The following LRRK1 variants were observed in gnomAD, a reference collection of about 807,000 sequenced individuals.
LRRK1 encodes the protein leucine rich repeat kinase 1.
LRRK1 carries 113 observed loss-of-function variants against 209.1 expected under a neutral mutation model. That is an observed-to-expected ratio of 0.54 (90% confidence interval 0.46 to 0.63). LRRK1 has a LOEUF of 0.63. Ranked by LOEUF, LRRK1 falls within the 30% of genes least tolerant of loss-of-function variation. LRRK1 has a pLI of 0.00. For synonymous variants in LRRK1, 1,144 were observed against 1,099.7 expected, an observed-to-expected ratio of 1.04 and a Z score of -0.80; for missense variants, 2,284 against 2,632.2, an observed-to-expected ratio of 0.87 and a Z score of 2.89.
intron 2 of LRRK1, among the ~76,000 whole-genome samples, chr15:100,964,522 G>A (rs1317909579): frequency 1.3e-5 from 2 of 152,196 alleles, no homozygotes; most frequent in African/African-American, 4.8e-5. Flanking sequence ...GCACAGGAAG[G>A]TCGTTAAACA....
rs141055033 is a variant in LRRK1 at position 101,015,444 on chromosome 15, C to T, written c.1609+42C>T. On this transcript the variant is annotated intron_variant, in intron 12 of 33. Transcript: ENST00000388948. ...AGACGGTGTTCCCAGATGAGACAGC[C>T]GGGGTAGCCTGGTTCCTGCTCCACC... 514 of 1,490,218 alleles carry T rather than the reference C, an allele frequency of 3.4e-4. 4 individuals are homozygous for T. Among genetic ancestry groups the T allele is most frequent in the South Asian group, 1.6e-3 (134 of 85,900 alleles). 92.3% of individuals were successfully genotyped at this position (1,490,218 alleles called of 1,614,324 possible).
intron 2 of LRRK1, among the ~76,000 whole-genome samples, chr15:100,957,104 A>G (rs2042781335): frequency 6.6e-6 from 1 of 151,998 alleles, no homozygotes; most frequent in Non-Finnish European, 1.5e-5. Context: ...GGATTTTTCC[A>G]TTTTCTTCTT....
intron 3 of LRRK1, among the ~76,000 whole-genome samples, chr15:100,975,474 T>C (rs890315245): frequency 6.7e-6 from 1 of 149,852 alleles, no homozygotes; most frequent in Admixed American, 6.6e-5. Context: ...GAGTCCAGGG[T>C]GTGTGTCTCT....
chr15:100,989,327 C>A lies in LRRK1; in HGVS notation c.691C>A (p.Pro231Thr), dbSNP rs755289273. The A allele has an allele frequency of 4.3e-6, 7 of 1,613,982 alleles. No individual in the cohort carries two copies. The highest frequency in any genetic ancestry group is 5.9e-6 in the Non-Finnish European group (7 of 1,179,840). ...CSYILLDSPD[P>T]SKHLLRKYFI... The stretch of plus-strand genomic sequence containing the variant: ...CTACATCTTGCTGGATAGTCCTGAC[C>A]CCAGCAAACATCTGCTGAGAAAGTA... The change falls in exon 6 of 34, where the codon CCC becomes ACC. Residue 231 changes from proline (P) to threonine (T), a missense_variant. Coordinates refer to ENST00000388948, the MANE Select transcript of LRRK1 (RefSeq NM_024652.6).
intron 6 of LRRK1, among the ~76,000 whole-genome samples, chr15:101,006,372 T>TA (rs56053663): frequency 0.015 from 1,694 of 114,288 alleles, 10 homozygotes; most frequent in Non-Finnish European, 0.022. Context: ...GACAATGTGA[T>TA]AAAAAAAAAA....
At chr15:100,988,213 C>A (rs1231651252) in intron 4 of LRRK1, among the ~76,000 whole-genome samples, 1 of 152,126 alleles carries the variant, frequency 6.6e-6, no homozygotes, top group African/African-American at 2.4e-5. Flanking sequence ...CTGCATGTTG[C>A]CGGGGTTCGG....
rs1013254892 is a variant in LRRK1, at chr15:101,073,759, T to C, written c.*4911T>C. The stretch of plus-strand genomic sequence containing the variant: ...CCTGAACCGCTTCTCTCCGTGTCTC[T>C]ACTCTCCCTTTTCTTTAAACTTGCC... On this transcript the variant is annotated 3_prime_UTR_variant, in exon 34 of 34. Coordinates refer to ENST00000388948, the MANE Select transcript of LRRK1 (RefSeq NM_024652.6). The C allele has an allele frequency of 6.6e-6, 1 of 152,134 alleles. No homozygotes were observed. Among genetic ancestry groups the C allele is most frequent in the African/African-American group, 2.4e-5 (1 of 41,418 alleles). The allele number at this position is 152,134 out of a possible 1,614,324, so 9.4% of individuals were successfully genotyped here. A position where few individuals can be genotyped will look rare whatever the true frequency, so the allele number is the denominator to read the frequency against.
intron 6 of LRRK1, among the ~76,000 whole-genome samples, chr15:100,995,163 T>C (rs1459576211): frequency 1.3e-5 from 2 of 152,056 alleles, no homozygotes; most frequent in Admixed American, 6.5e-5. Context: ...CTTAGGGAGA[T>C]CATGCATGTG....
Position 100,924,196 on chromosome 15 carries a change from A to G in LRRK1, c.-122-315A>G, listed in dbSNP as rs116211229. ...CTTGGTGCCACTGAGCCTCACACAG[A>G]GCCTGGCTACCTTGCATGTGACAGT... is the stretch of plus-strand genomic sequence containing the variant. On this transcript the variant is annotated intron_variant, in intron 1 of 33. Transcript: ENST00000388948. Among the ~76,000 whole-genome samples, 1,517 of 152,308 alleles carry G rather than the reference A, an allele frequency of 1.0e-2. 24 individuals carry two copies. The highest frequency in any genetic ancestry group is 0.034 in the African/African-American group (1,421 of 41,568).
chr15:101,042,555 C>G (rs2141117612), intron 20 of LRRK1, among the ~76,000 whole-genome samples: 1 of 152,204 alleles, frequency 6.6e-6, no homozygotes, highest in African/African-American at 2.4e-5. Context: ...TTACACTCCC[C>G]TACTTGTTAC....
chr15:100,988,578 G>A (rs1170169051), intron 4 of LRRK1, 56 bp from the exon 5 acceptor site: 3 of 1,556,270 alleles, frequency 1.9e-6, no homozygotes, highest in Non-Finnish European at 1.8e-6. Flanking sequence ...GAGCAGAGTG[G>A]GAACAAACAG....
chr15:100,960,276 G>C (rs959965770), intron 2 of LRRK1, among the ~76,000 whole-genome samples: 5 of 27,220 alleles, frequency 1.8e-4, no homozygotes, highest in Admixed American at 4.7e-4. Flanking sequence ...CGTTCATATT[G>C]CTTTTTTTTT....
Position 101,026,055 on chromosome 15 carries a change from C to A in LRRK1, c.2323C>A (p.Arg775Ser). ...CCGTGTGGAAAGGATTGCAACGCTG[C>A]GTGCCTATGTGCTGGCACTCTGCCG... is the stretch of plus-strand genomic sequence containing the variant. ...KFRVERIATL[R>S]AYVLALCRSP... The change falls in exon 17 of 34, where the codon CGT (arginine) becomes AGT (serine). Residue 775 changes from arginine (R) to serine (S), a missense_variant. Around this residue, in one of 6 missense-constraint regions of LRRK1, gnomAD observed 780 missense variants for 985.2 expected, o/e 0.79. Coordinates refer to ENST00000388948, the MANE Select transcript of LRRK1 (RefSeq NM_024652.6). 1.2e-6 allele frequency: 2 copies of A among 1,614,232 alleles called. No individual in the cohort carries two copies. The highest frequency in any genetic ancestry group is 1.7e-6 in the Non-Finnish European group (2 of 1,180,012).
chr15:101,065,786 C>T lies in LRRK1; in HGVS notation c.5349C>T (p.Leu1783=). ...ACTTCTGCGGGGTCCCCAGCCCCCTCAGGGACATGTTTCCCGTGCGGCCCT... is the reference window on the plus strand; with the variant it reads ...ACTTCTGCGGGGTCCCCAGCCCCCTTAGGGACATGTTTCCCGTGCGGCCCT... ...ARYFCGVPSP[L]RDMFPVRPLD... Residue 1783 remains leucine (L), a synonymous_variant, in exon 32 of 34, where the codon CTC becomes CTT. Coordinates refer to ENST00000388948, the MANE Select transcript of LRRK1 (RefSeq NM_024652.6). 6.2e-7 allele frequency: 1 copy of T among 1,614,138 alleles called. No individual in the cohort carries two copies. Among genetic ancestry groups the T allele is most frequent in the South Asian group, 1.1e-5 (1 of 91,086 alleles).
In LRRK1 at chr15:101,022,637, G is replaced by T; in HGVS notation, c.2067+40G>T. On this transcript the variant is annotated intron_variant, in intron 15 of 33. Coordinates refer to ENST00000388948, the MANE Select transcript of LRRK1 (RefSeq NM_024652.6). This position sits in a 1 kb window ranked among gnomAD's most constrained non-coding sequence, Gnocchi z 4.0. ...GCGTGCAGAGTCCCTGTGGGTGGGA[G>T]GAACATCCCTTGGACTCCTTCTCCC... 1.4e-6 allele frequency: 2 copies of T among 1,415,158 alleles called. No homozygotes were observed. The highest frequency in any genetic ancestry group is 1.9e-6 in the Non-Finnish European group (2 of 1,028,954). The allele number at this position is 1,415,158 out of a possible 1,614,324, so 87.7% of individuals were successfully genotyped here. A position where few individuals can be genotyped will look rare whatever the true frequency, so the allele number is the denominator to read the frequency against.
intron 28 of LRRK1, among the ~76,000 whole-genome samples, chr15:101,057,580 G>T (rs1452884408): frequency 7.2e-5 from 11 of 152,224 alleles, no homozygotes; most frequent in Admixed American, 7.2e-4. Flanking sequence ...TGGGCATGGT[G>T]ACATGGACTT....
At chr15:101,052,086 C>T (rs1308840354) in intron 24 of LRRK1, 126 bp downstream of exon 24, 9 of 1,088,278 alleles carry the variant, frequency 8.3e-6, no homozygotes, top group South Asian at 3.2e-5. Context: ...CATGGCTTCC[C>T]ACCAATCTCA....
chr15:100,951,403 A>G (rs539915374), intron 2 of LRRK1, among the ~76,000 whole-genome samples: 1 of 152,302 alleles, frequency 6.6e-6, no homozygotes, highest in South Asian at 2.1e-4. Context: ...CATTTTGAAC[A>G]TGCAATTACC....
At chr15:100,996,560 T>C (rs914539183) in intron 6 of LRRK1, among the ~76,000 whole-genome samples, 2 of 152,220 alleles carry the variant, frequency 1.3e-5, no homozygotes, top group Admixed American at 6.5e-5. Flanking sequence ...GCCCATTTTC[T>C]CCAGGTTCCA....
Sources: allele counts gnomAD v4.1 joint callset (sites outside exome capture counted in the v4.1 genomes callset), GRCh38; gene constraint gnomAD v4.1.1; regional missense constraint gnomAD v4.1.1; non-coding constraint Gnocchi (gnomAD v3.1); transcripts MANE v1.5; gene names NCBI Gene and HGNC (gene_info 2026-07-23, HGNC 2026-07-21).